The following ARAP2 variants were observed in gnomAD, a reference collection of about 807,000 sequenced individuals.
ARAP2 encodes the protein ArfGAP with RhoGAP domain, ankyrin repeat and PH domain 2, also known as arf-GAP with Rho-GAP domain, ANK repeat and PH domain-containing protein 2.
In ARAP2, 148 loss-of-function variants were observed where a neutral mutation model predicts 194.5. The ratio of observed to expected loss-of-function variants is 0.76; its 90% CI spans 0.67 to 0.87. The LOEUF is 0.87. Ranked by LOEUF, ARAP2 falls within the 40% of genes least tolerant of loss-of-function variation. The pLI, the probability that ARAP2 is intolerant of heterozygous loss-of-function variation, is 0.00. For synonymous variants in ARAP2, 695 were observed against 683.5 expected, an observed-to-expected ratio of 1.02 and a Z score of -0.26; for missense variants, 2,128 against 1,989.7, an observed-to-expected ratio of 1.07 and a Z score of -1.32.
chr4:36,092,384 C>T (rs1265851774), intron 27 of ARAP2, among the ~76,000 whole-genome samples: 3 of 151,652 alleles, frequency 2.0e-5, no homozygotes, highest in African/African-American at 4.9e-5. Context: ...CCGAGGCGGG[C>T]GGATTATCTG....
chr4:36,230,301 T>C (rs1578360709), intron 1 of ARAP2, among the ~76,000 whole-genome samples: 1 of 152,258 alleles, frequency 6.6e-6, no homozygotes, highest in Non-Finnish European at 1.5e-5. Flanking sequence ...TTATGCAATT[T>C]TCTTAACAGT....
Position 36,082,106 on chromosome 4 carries a change from AG to A in ARAP2, c.4544+144del. The A allele has an allele frequency of 6.9e-6, 5 of 719,996 alleles. No homozygotes were observed. The South Asian group carries it at 9.8e-5, about 14-fold the overall frequency. 44.6% of individuals were successfully genotyped at this position (719,996 alleles called of 1,614,324 possible). A position where few individuals can be genotyped will look rare whatever the true frequency, so the allele number is the denominator to read the frequency against. Reference sequence around the variant, plus strand: ...GATACAAATCTGTTTTCCTCTTCTTAGGCTCAAAGTCTTTACAAACAACCCT... The same window carrying A: ...GATACAAATCTGTTTTCCTCTTCTTAGCTCAAAGTCTTTACAAACAACCCT... On this transcript the variant is annotated intron_variant, in intron 30 of 32. Transcript: ENST00000303965.
chr4:36,111,408 T>C (rs1011288), intron 26 of ARAP2, among the ~76,000 whole-genome samples: 9,495 of 152,024 alleles, frequency 0.062, 307 homozygotes, highest in East Asian at 0.13. Context: ...CCTACCATTA[T>C]TCCTCTGGGA....
intron 6 of ARAP2, among the ~76,000 whole-genome samples, chr4:36,017,564 T>TAAAAAAA (rs71199694): frequency 0.018 from 771 of 42,552 alleles, 207 homozygotes; most frequent in African/African-American, 0.084. Context: ...AAGAAAGTGG[T>TAAAAAAA]AAAAAAAAAA....
intron 2 of ARAP2, among the ~76,000 whole-genome samples, chr4:36,220,335 C>T (rs1748871054): frequency 6.6e-6 from 1 of 152,000 alleles, no homozygotes; most frequent in Non-Finnish European, 1.5e-5. Context: ...ATGAAAAATT[C>T]CTATTGCCAA....
intron 1 of ARAP2, among the ~76,000 whole-genome samples, chr4:36,060,275 C>T (rs370256588): frequency 2.6e-5 from 4 of 152,090 alleles, no homozygotes; most frequent in South Asian, 2.1e-4. Flanking sequence ...GATAGGGCAT[C>T]GTTGCTGGAA....
intron 19 of ARAP2, among the ~76,000 whole-genome samples, chr4:36,136,664 G>A (rs1352709504): frequency 6.6e-6 from 1 of 151,550 alleles, no homozygotes; most frequent in Non-Finnish European, 1.5e-5. Flanking sequence ...AATATCCTAA[G>A]GATTTATACA....
At chr4:36,101,561 C>T (rs1415806155) in intron 27 of ARAP2, among the ~76,000 whole-genome samples, 1 of 151,772 alleles carries the variant, frequency 6.6e-6, no homozygotes, top group African/African-American at 2.4e-5. Context: ...TAATTTTCAG[C>T]ATACTGTTAA....
chr4:36,226,290 T>C (rs1193397410), intron 2 of ARAP2, among the ~76,000 whole-genome samples: 1 of 151,880 alleles, frequency 6.6e-6, no homozygotes. Flanking sequence ...ACAGAAGGAG[T>C]TGAAAATATA....
intron 20 of ARAP2, among the ~76,000 whole-genome samples, chr4:36,131,903 A>AT (rs1286308347): frequency 6.6e-6 from 1 of 151,766 alleles, no homozygotes; most frequent in Non-Finnish European, 1.5e-5. Flanking sequence ...TAAGAAAAAC[A>AT]TATCATAGCA....
chr4:36,130,962 A>C (rs1031990053), intron 20 of ARAP2, among the ~76,000 whole-genome samples: 2 of 151,846 alleles, frequency 1.3e-5, no homozygotes, highest in Admixed American at 1.3e-4. Context: ...AATTTTCCCC[A>C]AGAACTAGTG....
intron 19 of ARAP2, among the ~76,000 whole-genome samples, chr4:36,146,926 G>A (rs1391928387): frequency 6.6e-6 from 1 of 151,910 alleles, no homozygotes; most frequent in African/African-American, 2.4e-5. Flanking sequence ...AGCTATGCAT[G>A]ACCCACATGC....
chr4:36,142,568 A>C (rs892723275), intron 19 of ARAP2, among the ~76,000 whole-genome samples: 3 of 151,420 alleles, frequency 2.0e-5, no homozygotes, highest in Non-Finnish European at 3.0e-5. Context: ...CACTTATCTT[A>C]TGGAGTATGT....
At position 36,068,055 on chromosome 4, in the gene ARAP2, G is replaced by A. The variant is rs1395158635; in HGVS notation, c.4967C>T (p.Thr1656Ile). ...GQPKGHKGLK[T>I]LRKTEDRNSK... Reference sequence around the variant, plus strand: ...ATTCCTGTCCTCAGTCTTCCTCAATGTCTTTAGGCCTTTATGGCCTTTTGG... The same window carrying A: ...ATTCCTGTCCTCAGTCTTCCTCAATATCTTTAGGCCTTTATGGCCTTTTGG... The change falls in exon 33 of 33, where the codon ACA (threonine) becomes ATA (isoleucine). Residue 1656 changes from threonine (T) to isoleucine (I), a missense_variant. By Grantham distance (89) the Thr-to-Ile change is moderately conservative. Coordinates refer to ENST00000303965, the MANE Select transcript of ARAP2 (RefSeq NM_015230.4). 4 of 1,614,040 alleles carry A rather than the reference G, an allele frequency of 2.5e-6. No homozygotes were observed. The highest frequency in any genetic ancestry group is 2.5e-6 in the Non-Finnish European group (3 of 1,180,012).
intron 26 of ARAP2, 78 bp downstream of exon 26, chr4:36,114,092 T>C: frequency 3.0e-6 from 3 of 1,001,200 alleles, no homozygotes; most frequent in Non-Finnish European, 4.6e-6. Context: ...AGACATAAAA[T>C]GTTTATAAAG....
downstream of ARAP2, among the ~76,000 whole-genome samples, chr4:36,064,198 T>C (rs1002145589): frequency 1.1e-5 from 1 of 87,514 alleles, no homozygotes; most frequent in Non-Finnish European, 2.1e-5. Context: ...TTTTTTGTTT[T>C]TTTCTTTCTT....
intron 29 of ARAP2, 145 bp downstream of exon 29, chr4:36,083,223 C>A (rs962078398): frequency 1.1e-5 from 7 of 641,012 alleles, no homozygotes; most frequent in African/African-American, 1.9e-5. Flanking sequence ...CCATAAGAAC[C>A]CTGTGACAGG....
intron 25 of ARAP2, among the ~76,000 whole-genome samples, chr4:36,116,160 T>C (rs577811508): frequency 2.2e-4 from 33 of 151,986 alleles, no homozygotes; most frequent in Non-Finnish European, 4.4e-4. Flanking sequence ...AATTATAGTA[T>C]TAATATTTCA....
intron 23 of ARAP2, 65 bp from the exon 24 acceptor site, chr4:36,119,783 T>A: frequency 9.0e-7 from 1 of 1,114,466 alleles, no homozygotes; most frequent in Non-Finnish European, 1.3e-6. Flanking sequence ...ACACTCATCC[T>A]CATGTAATCT....
Sources: allele counts gnomAD v4.1 joint callset (sites outside exome capture counted in the v4.1 genomes callset), GRCh38; gene constraint gnomAD v4.1.1; transcripts MANE v1.5; gene names NCBI Gene and HGNC (gene_info 2026-07-23, HGNC 2026-07-21).